Variants in MALRD1 observed in about 807,000 individuals in gnomAD.
The protein encoded by MALRD1 is MAM and LDL receptor class A domain containing 1, also known as MAM and LDL-receptor class A domain-containing protein 1.
Under a neutral mutation model 242.1 loss-of-function variants are expected in MALRD1, and 247 were observed. That is an observed-to-expected ratio of 1.02 (90% CI 0.92 to 1.13). MALRD1 has a LOEUF of 1.13. Among genes scored for constraint, MALRD1 ranks in the 50% most tolerant of loss-of-function variants. The probability of loss-of-function intolerance (pLI) is 0.00; values close to 1 mark genes in which losing one functional copy is unlikely to be tolerated. For missense variants in MALRD1, 2,989 were observed against 2,533.1 expected, an observed-to-expected ratio of 1.18 and a Z score of -3.86; for synonymous variants, 995 against 866.6, an observed-to-expected ratio of 1.15 and a Z score of -2.60.
At chr10:19,545,144 A>T (rs1049985575) in intron 32 of MALRD1, among the ~76,000 whole-genome samples, 3 of 152,156 alleles carry the variant, frequency 2.0e-5, no homozygotes, top group Non-Finnish European at 4.4e-5. Context: ...TCTTCCCTCT[A>T]TGCAGGCATA....
At chr10:19,476,400 C>T (rs1369935169) in intron 29 of MALRD1, among the ~76,000 whole-genome samples, 5 of 152,136 alleles carry the variant, frequency 3.3e-5, no homozygotes, top group African/African-American at 1.2e-4. Context: ...CTGTCCCTCT[C>T]TGAGCTACAC....
At chr10:19,318,846 A>G (rs1410010330) in intron 21 of MALRD1, among the ~76,000 whole-genome samples, 1 of 152,074 alleles carries the variant, frequency 6.6e-6, no homozygotes, top group East Asian at 1.9e-4. Context: ...GACCCTGTGT[A>G]GACAACAAAA....
intron 28 of MALRD1, among the ~76,000 whole-genome samples, chr10:19,402,918 T>G (rs915059000): frequency 6.6e-6 from 1 of 152,176 alleles, no homozygotes; most frequent in African/African-American, 2.4e-5. Context: ...TGTCACTTAC[T>G]ACCACTACCT....
intron 14 of MALRD1, among the ~76,000 whole-genome samples, chr10:19,184,129 G>A (rs1835639516): frequency 6.6e-6 from 1 of 152,210 alleles, no homozygotes; most frequent in South Asian, 2.1e-4. Context: ...CGAAATTACA[G>A]TGTATCAGAA....
At chr10:19,283,774 A>G (rs1040226218) in intron 21 of MALRD1, among the ~76,000 whole-genome samples, 2 of 152,188 alleles carry the variant, frequency 1.3e-5, no homozygotes, top group African/African-American at 2.4e-5. Context: ...TCTGTTCTCA[A>G]CTTTCTCAAC....
intron 29 of MALRD1, among the ~76,000 whole-genome samples, chr10:19,476,699 G>A (rs560914844): frequency 1.3e-4 from 20 of 152,244 alleles, no homozygotes; most frequent in African/African-American, 4.8e-4. Context: ...CTCGAACCAG[G>A]ATATACATTC....
At chr10:19,299,847 T>G (rs1426024107) in intron 21 of MALRD1, among the ~76,000 whole-genome samples, 1 of 151,786 alleles carries the variant, frequency 6.6e-6, no homozygotes, top group Non-Finnish European at 1.5e-5. Flanking sequence ...CTATTCAACA[T>G]AGCTCTGGAG....
At chr10:19,132,355 G>T (rs1300959377) in intron 8 of MALRD1, among the ~76,000 whole-genome samples, 1 of 152,172 alleles carries the variant, frequency 6.6e-6, no homozygotes, top group Non-Finnish European at 1.5e-5. Flanking sequence ...GATCCGCCAT[G>T]AAAGCTATCA....
At chr10:19,700,049 C>T (rs1285938445) in intron 38 of MALRD1, among the ~76,000 whole-genome samples, 1 of 151,914 alleles carries the variant, frequency 6.6e-6, no homozygotes, top group African/African-American at 2.4e-5. Context: ...CACACACACA[C>T]ACACACACAC....
intron 36 of MALRD1, among the ~76,000 whole-genome samples, chr10:19,665,424 A>G (rs1218199375): frequency 6.6e-6 from 1 of 152,140 alleles, no homozygotes; most frequent in African/African-American, 2.4e-5. Context: ...CTCGTACCAG[A>G]AGCAGAGCAG....
intron 14 of MALRD1, among the ~76,000 whole-genome samples, chr10:19,202,761 A>C (rs1436691034): frequency 6.6e-6 from 1 of 152,176 alleles, no homozygotes; most frequent in Non-Finnish European, 1.5e-5. Context: ...TGTTCACACC[A>C]AGCAAATTCA....
At chr10:19,530,834 G>A (rs968545341) in intron 31 of MALRD1, among the ~76,000 whole-genome samples, 3 of 152,100 alleles carry the variant, frequency 2.0e-5, no homozygotes, top group Non-Finnish European at 2.9e-5. Flanking sequence ...ATACCAGTCA[G>A]TCCCCAGTAC....
At chr10:19,098,657 T>C (rs1397446204) in intron 4 of MALRD1, among the ~76,000 whole-genome samples, 2 of 152,154 alleles carry the variant, frequency 1.3e-5, no homozygotes, top group African/African-American at 4.8e-5. Context: ...CGTAAGTGTT[T>C]TTAATGTTTA....
intron 21 of MALRD1, chr10:19,291,567 A>C (rs1286688912): frequency 6.6e-6 from 1 of 151,852 alleles, no homozygotes; most frequent in Non-Finnish European, 1.5e-5. Flanking sequence ...AATTCATGGA[A>C]TGGAGTTGGG....
At chr10:19,642,108 G>A (rs1840412903) in intron 36 of MALRD1, among the ~76,000 whole-genome samples, 1 of 152,210 alleles carries the variant, frequency 6.6e-6, no homozygotes, top group East Asian at 1.9e-4. Context: ...TTCATAACAT[G>A]CTTAGTTTCA....
chr10:19,163,137 T>TAAAAAAAAAAAAAAAAAAA (rs58034381), intron 12 of MALRD1, among the ~76,000 whole-genome samples: 16 of 43,852 alleles, frequency 3.6e-4, no homozygotes, highest in East Asian at 2.0e-3. Context: ...AAACCCTGTC[T>TAAAAAAAAAAAAAAAAAAA]AAAAAAAAAA....
intron 28 of MALRD1, 117 bp from the exon 29 acceptor site, chr10:19,450,190 T>A: frequency 1.1e-6 from 1 of 895,882 alleles, no homozygotes; most frequent in East Asian, 2.7e-5. Flanking sequence ...TGCTTCTTTG[T>A]TTTTTCAGTT....
chr10:19,688,249 G>A (rs1842676678), intron 36 of MALRD1, among the ~76,000 whole-genome samples: 1 of 152,144 alleles, frequency 6.6e-6, no homozygotes, highest in Non-Finnish European at 1.5e-5. Flanking sequence ...GGGATTACAG[G>A]CATGAGCCAC....
At position 19,113,435 on chromosome 10, in the gene MALRD1, T is replaced by C. The variant is rs577835600; in HGVS notation, c.694+9360T>C. Among the ~76,000 whole-genome samples, 5 of 151,002 alleles carry C rather than the reference T, an allele frequency of 3.3e-5. No individual in the cohort carries two copies. The East Asian group carries it at 9.7e-4, about 29-fold the overall frequency. On this transcript the variant is annotated intron_variant, in intron 5 of 39. Transcript: ENST00000454679. ...GCCCGAAAGCCTCATTCCATGACTTTTCTTTTTCTTCTTCTTCTCATTTTT... is the reference window on the plus strand; with the variant it reads ...GCCCGAAAGCCTCATTCCATGACTTCTCTTTTTCTTCTTCTTCTCATTTTT...
Sources: gnomAD v4.1 joint callset for allele counts (sites outside exome capture counted in the v4.1 genomes callset) on GRCh38, gnomAD v4.1.1 for gene constraint, MANE v1.5 for transcripts, NCBI Gene and HGNC (gene_info 2026-07-23, HGNC 2026-07-21) for gene names.